ITGA7: variants seen among roughly 807,000 people sequenced by gnomAD.
ITGA7 encodes integrin alpha-7.
In ITGA7, 84 loss-of-function variants were observed where a neutral mutation model predicts 131.6. The observed-to-expected ratio is 0.64, with a 90% CI of 0.54 to 0.77. The LOEUF is 0.77. ITGA7 is among the 30% of genes least tolerant of loss of function. The pLI is 0.00. For missense variants in ITGA7, 1,399 were observed against 1,482.9 expected (o/e 0.94, Z 0.93); for synonymous variants, 548 against 600.7 (o/e 0.91, Z 1.28).
In ITGA7 at chr12:55,697,839, C is replaced by T; in HGVS notation, c.1282-17G>A. Reference sequence around the variant, plus strand: ...CTCCAGCACCTAGAGAACCAGCTGTCAGCCTCCCTCAATCCCACCTCCCGC... The same window carrying T: ...CTCCAGCACCTAGAGAACCAGCTGTTAGCCTCCCTCAATCCCACCTCCCGC... On this transcript the variant is annotated splice_polypyrimidine_tract_variant and intron_variant, in intron 8 of 24. Coordinates refer to ENST00000257879, the MANE Select transcript of ITGA7 (RefSeq NM_002206.3). 6.2e-7 allele frequency: 1 copy of T among 1,614,162 alleles called. No individual in the cohort carries two copies. The highest frequency in any genetic ancestry group is 8.5e-7 in the Non-Finnish European group (1 of 1,180,016).
intron 22 of ITGA7, 138 bp from the exon 23 acceptor site, chr12:55,688,438 G>T: frequency 1.3e-6 from 1 of 767,354 alleles, no homozygotes; most frequent in Non-Finnish European, 2.3e-6. Flanking sequence ...AGTATGCTGC[G>T]TTTGGGCTGG....
chr12:55,701,527 AGTG>A, intron 3 of ITGA7: 2 of 997,206 alleles, frequency 2.0e-6, no homozygotes, highest in Non-Finnish European at 3.1e-6. Context: ...GACCTTTGTA[AGTG>A]TCACCATCTC....
Position 55,685,025 on chromosome 12 carries a change from G to A in ITGA7, c.*33C>T. 6.6e-7 allele frequency: 1 copy of A among 1,517,626 alleles called. No homozygotes were observed. The highest frequency in any genetic ancestry group is 2.3e-5 in the East Asian group (1 of 44,066). The allele number at this position is 1,517,626 out of a possible 1,614,324, so 94.0% of individuals were successfully genotyped here. A position where few individuals can be genotyped will look rare whatever the true frequency, so the allele number is the denominator to read the frequency against. On this transcript the variant is annotated 3_prime_UTR_variant, in exon 25 of 25. Coordinates refer to ENST00000257879, the MANE Select transcript of ITGA7 (RefSeq NM_002206.3). Reference sequence around the variant, plus strand: ...GAGCCATCTCTGGGGAAGGGATGGAGGGCAGCCACAGGCCAGGCTGGGACA... The same window carrying A: ...GAGCCATCTCTGGGGAAGGGATGGAAGGCAGCCACAGGCCAGGCTGGGACA...
chr12:55,704,955 CG>C (rs1874865177), intron 1 of ITGA7, among the ~76,000 whole-genome samples: 1 of 152,166 alleles, frequency 6.6e-6, no homozygotes, highest in South Asian at 2.1e-4. Context: ...CTCTGAGTGT[CG>C]GGGCTGTCTT....
At chr12:55,707,918 T>C, upstream of ITGA7, 4 of 1,379,394 alleles carry the variant, frequency 2.9e-6, no homozygotes, top group Non-Finnish European at 3.7e-6. Context: ...GGCTCCCGCC[T>C]CCTCTCCCGG....
chr12:55,709,755 G>GTCTCCATTCC (rs1875890016), upstream of ITGA7, among the ~76,000 whole-genome samples: 1 of 146,182 alleles, frequency 6.8e-6, no homozygotes, highest in Non-Finnish European at 1.5e-5. Context: ...GCTTCTGCCT[G>GTCTCCATTCC]TCTCCATTCC....
intron 5 of ITGA7, 77 bp downstream of exon 5, chr12:55,699,793 C>G (rs901004829): frequency 1.1e-5 from 17 of 1,531,522 alleles, no homozygotes; most frequent in Middle Eastern, 2.1e-4. Context: ...TTATAAGGCA[C>G]CAAAGGTCGA....
At chr12:55,700,414 G>A (rs1226979550) in intron 4 of ITGA7, 15 of 1,595,822 alleles carry the variant, frequency 9.4e-6, no homozygotes, top group Non-Finnish European at 1.3e-5. Flanking sequence ...AGACCTGTTA[G>A]TGCCCAGGGC....
upstream of ITGA7, chr12:55,712,350 C>T: frequency 2.1e-6 from 2 of 950,688 alleles, no homozygotes; most frequent in Admixed American, 2.0e-5. Context: ...ACCACCAACC[C>T]CCTCTCTTGA....
rs1430407616 is a variant in ITGA7 at position 55,697,729 on chromosome 12, C to T, written c.1375G>A (p.Val459Met). 1 of 1,614,014 alleles carries T rather than the reference C, an allele frequency of 6.2e-7. No individual in the cohort carries two copies. The highest frequency in any genetic ancestry group is 8.5e-7 in the Non-Finnish European group (1 of 1,180,014). Reference sequence around the variant, plus strand: ...ACTGCGGTGTCAGCCAGGGAGCCCACCAGCAGGTCAGGGTATTGGTTCCCA... The same window carrying T: ...ACTGCGGTGTCAGCCAGGGAGCCCATCAGCAGGTCAGGGTATTGGTTCCCA... Reference protein sequence around the residue: ...MDGNQYPDLLVGSLADTAVLF... With the variant: ...MDGNQYPDLLMGSLADTAVLF... Residue 459 changes from valine (V) to methionine (M), a missense_variant, in exon 9 of 25, where the codon GTG becomes ATG. Physicochemically the swap from Val to Met is conservative, Grantham distance 21. Coordinates refer to ENST00000257879, the MANE Select transcript of ITGA7 (RefSeq NM_002206.3).
intron 22 of ITGA7, 78 bp downstream of exon 22, chr12:55,688,766 G>A: frequency 9.5e-7 from 1 of 1,056,718 alleles, no homozygotes; most frequent in Non-Finnish European, 1.5e-6. Flanking sequence ...GGACAGTGAG[G>A]AAGGAGGAGG....
intron 24 of ITGA7, among the ~76,000 whole-genome samples, chr12:55,687,171 T>C (rs1287159376): frequency 1.1e-5 from 1 of 90,678 alleles, no homozygotes; most frequent in Non-Finnish European, 2.0e-5. Flanking sequence ...TCTGATTTCT[T>C]TTTTTTTTTT....
rs1565644567 is a variant in ITGA7 at position 55,707,540 on chromosome 12, G to C, written c.143C>G (p.Pro48Arg). 1.2e-6 allele frequency: 2 copies of C among 1,613,910 alleles called. No individual in the cohort carries two copies. Among genetic ancestry groups the C allele is most frequent in the African/African-American group, 2.7e-5 (2 of 74,914 alleles). Residue 48 changes from proline to arginine, a missense_variant, in exon 1 of 25, where the codon CCA (proline) becomes CGA (arginine). By Grantham distance (103) the Pro-to-Arg change is moderately radical. Coordinates refer to ENST00000257879, the MANE Select transcript of ITGA7 (RefSeq NM_002206.3). ...CACAGAGAAGCCGAAGAGGCTGCCT[G>C]GCTCGCCCTCCTTGCGCAAGGCACC... ...VMGALRKEGE[P>R]GSLFGFSVAL... is the part of the protein sequence containing the mutation.
Position 55,685,063 on chromosome 12 carries a change from C to T in ITGA7, c.3409G>A (p.Ala1137Thr), listed in dbSNP as rs772419744. The change falls in exon 25 of 25, where the codon GCC becomes ACC. Residue 1137 changes from alanine (A) to threonine (T), a missense_variant. Ala to Thr is a moderately conservative substitution (Grantham distance 58). Coordinates refer to ENST00000257879, the MANE Select transcript of ITGA7 (RefSeq NM_002206.3). ...CCAGGCTGGGACATGGGAACCTAGG[C>T]GGTGCCTGGCCCTGGATGCCCATCG... Reference protein sequence around the residue: ...GPDGHPGPGTA With the variant: ...GPDGHPGPGTT The T allele has an allele frequency of 2.3e-5, 36 of 1,582,382 alleles. No homozygotes were observed. Among genetic ancestry groups the T allele is most frequent in the East Asian group, 1.3e-4 (6 of 44,688 alleles).
At chr12:55,687,045 T>C (rs1171917418) in intron 24 of ITGA7, among the ~76,000 whole-genome samples, 1 of 152,046 alleles carries the variant, frequency 6.6e-6, no homozygotes, top group Non-Finnish European at 1.5e-5. Context: ...TCAAGCTTTT[T>C]TCCCTCTAAA....
upstream of ITGA7, among the ~76,000 whole-genome samples, chr12:55,714,728 A>G (rs1304689474): frequency 6.7e-6 from 1 of 149,860 alleles, no homozygotes; most frequent in African/African-American, 2.5e-5. Flanking sequence ...ACATATACAT[A>G]CATATATACA....
In ITGA7 at chr12:55,696,930, CG is replaced by C. The variant is rs1872739645; in HGVS notation, c.1705del (p.Arg569GlufsTer22). ...CTGGAACATGGCGTCTCCACAGACT[CG>C]GTCATGCTGGTGCTTCAGCCACACG... ...GTVWLKHQHD[R>X]VCGDAMFQLQ... On this transcript the variant is annotated frameshift_variant, in exon 12 of 25. Transcript: ENST00000257879. LOFTEE classifies it high-confidence loss of function. The C allele has an allele frequency of 3.7e-6, 6 of 1,614,180 alleles. No individual in the cohort carries two copies. The highest frequency in any genetic ancestry group is 5.1e-6 in the Non-Finnish European group (6 of 1,180,032).
chr12:55,690,129 A>C (rs1278410921), intron 21 of ITGA7, among the ~76,000 whole-genome samples: 1 of 152,200 alleles, frequency 6.6e-6, no homozygotes, highest in African/African-American at 2.4e-5. Context: ...ATGGGATCTA[A>C]TTAAACTAAA....
At chr12:55,700,032 G>A (rs575116684) in intron 4 of ITGA7, 43 bp from the exon 5 acceptor site, 27 of 1,610,680 alleles carry the variant, frequency 1.7e-5, no homozygotes, top group Non-Finnish European at 2.3e-5. Context: ...GACATCCAGA[G>A]TAGGGGCCAC....
Sources: allele counts gnomAD v4.1 joint callset (sites outside exome capture counted in the v4.1 genomes callset), GRCh38; gene constraint gnomAD v4.1.1; transcripts MANE v1.5; gene names NCBI Gene and HGNC (gene_info 2026-07-23, HGNC 2026-07-21).